Variants in TMEM268 observed in about 807,000 individuals in gnomAD.
TMEM268 encodes transmembrane protein 268, also known as transmembrane protein C9orf91.
A neutral mutation model predicts 39.1 loss-of-function variants in TMEM268; 24 were observed. That is an observed-to-expected ratio of 0.61 (90% CI 0.44 to 0.86). The LOEUF (loss-of-function observed/expected upper bound fraction) is 0.86, where lower values mean the gene tolerates loss of function less well. Among genes scored for constraint, TMEM268 ranks in the 40% least tolerant of loss-of-function variants. TMEM268 has a pLI of 0.00. For missense variants in TMEM268, 409 were observed against 428.6 expected (o/e 0.95, Z 0.40); for synonymous variants, 176 against 173.5 (o/e 1.01, Z -0.12).
the TMEM268 span, among the ~76,000 whole-genome samples, chr9:114,605,196 G>GT: frequency 1.3e-5 from 2 of 152,174 alleles, no homozygotes; most frequent in Non-Finnish European, 2.9e-5. Flanking sequence ...TTTTCCACCT[G>GT]TTTAATTATT....
intron 2 of TMEM268, among the ~76,000 whole-genome samples, chr9:114,617,557 A>G (rs1227373600): frequency 6.6e-6 from 1 of 151,686 alleles, no homozygotes; most frequent in Non-Finnish European, 1.5e-5. Flanking sequence ...TTTATTATTT[A>G]TTTATATTTC....
At chr9:114,633,304 G>A (rs1285078651) in intron 5 of TMEM268, among the ~76,000 whole-genome samples, 1 of 151,940 alleles carries the variant, frequency 6.6e-6, no homozygotes, top group Non-Finnish European at 1.5e-5. Context: ...TGGGACTACA[G>A]GTGTGTGTCA....
At chr9:114,631,282 C>CAAAAAAAAAAAAAAAAAAAAAAAAAA (rs3035421) in intron 5 of TMEM268, among the ~76,000 whole-genome samples, 1 of 130,182 alleles carries the variant, frequency 7.7e-6, no homozygotes. Context: ...CAGCCTGCCT[C>CAAAAAAAAAAAAAAAAAAAAAAAAAA]AAAAAAAAAA....
chr9:114,617,017 T>A, intron 1 of TMEM268, 101 bp from the exon 2 acceptor site: 1 of 496,442 alleles, frequency 2.0e-6, no homozygotes, highest in Non-Finnish European at 3.6e-6. Flanking sequence ...TCCGGGTAAC[T>A]CTCCCTGGCC....
Position 114,643,338 on chromosome 9 carries a change from C to T in TMEM268, c.*25C>T. The T allele has an allele frequency of 6.2e-7, 1 of 1,610,384 alleles. No homozygotes were observed. Among genetic ancestry groups the T allele is most frequent in the Non-Finnish European group, 8.5e-7 (1 of 1,176,872 alleles). On this transcript the variant is annotated 3_prime_UTR_variant, in exon 9 of 9. Transcript: ENST00000288502. ...ACCTAGGGATGAAGGTACTCATCTT[C>T]CTTCAAGACTGAGCAGTCAGGAAGG...
intron 3 of TMEM268, among the ~76,000 whole-genome samples, chr9:114,626,193 G>A (rs1480463217): frequency 6.6e-6 from 1 of 152,098 alleles, no homozygotes; most frequent in Non-Finnish European, 1.5e-5. Flanking sequence ...GAACTCCTAG[G>A]CTCAAGCAGT....
At chr9:114,621,513 T>C (rs1647552720) in intron 2 of TMEM268, among the ~76,000 whole-genome samples, 1 of 152,166 alleles carries the variant, frequency 6.6e-6, no homozygotes, top group African/African-American at 2.4e-5. Context: ...ATTCAAGTAA[T>C]TTCATGCATA....
intron 2 of TMEM268, chr9:114,622,407 C>T (rs2133624591): frequency 2.0e-6 from 2 of 985,386 alleles, no homozygotes; most frequent in South Asian, 9.4e-5. Flanking sequence ...CCCAGACCTC[C>T]TGGCTGCTGA....
chr9:114,618,315 C>T (rs767875565), intron 2 of TMEM268, among the ~76,000 whole-genome samples: 7 of 152,156 alleles, frequency 4.6e-5, no homozygotes, highest in Non-Finnish European at 1.0e-4. Flanking sequence ...ACCTGCATTC[C>T]CTTCTGCCTG....
In TMEM268 at chr9:114,624,451, G is replaced by C; in HGVS notation, c.208G>C (p.Gly70Arg). Residue 70 changes from glycine (G) to arginine (R), a missense_variant, in exon 3 of 9, where the codon GGC becomes CGC. Coordinates refer to ENST00000288502, the MANE Select transcript of TMEM268 (RefSeq NM_153045.4). ...CGCAGAAGAGCAACTGCAAACTTGG[G>C]GCATCCAGGTGAGTGCTGATTTCCT... The part of the protein sequence containing the change: ...GAAEEQLQTW[G>R]IQVPADQYRS... The C allele has an allele frequency of 1.3e-6, 2 of 1,574,406 alleles. No homozygotes were observed. The highest frequency in any genetic ancestry group is 2.3e-5 in the East Asian group (1 of 43,278).
intron 8 of TMEM268, among the ~76,000 whole-genome samples, chr9:114,641,376 G>A (rs1007545727): frequency 5.3e-5 from 8 of 152,110 alleles, no homozygotes; most frequent in Admixed American, 1.3e-4. Context: ...CATACCTAGC[G>A]TAACCCACAC....
intron 2 of TMEM268, chr9:114,622,313 G>A: frequency 1.0e-6 from 1 of 985,338 alleles, no homozygotes; most frequent in Non-Finnish European, 1.2e-6. Context: ...CCGCCATAGA[G>A]AATATGCCAA....
At chr9:114,622,625 A>G (rs543272803) in intron 2 of TMEM268, 37 of 360,696 alleles carry the variant, frequency 1.0e-4, no homozygotes, top group African/African-American at 7.3e-4. Context: ...GGGCTTTGGT[A>G]GCAGTTGTGA....
intron 2 of TMEM268, chr9:114,622,165 C>T: frequency 1.0e-6 from 1 of 985,338 alleles, no homozygotes; most frequent in Non-Finnish European, 1.2e-6. Flanking sequence ...CCAGGAATTT[C>T]CTGGAAAGTG....
chr9:114,626,751 A>G (rs1476832276), intron 3 of TMEM268, 148 bp from the exon 4 acceptor site: 2 of 566,368 alleles, frequency 3.5e-6, no homozygotes, highest in South Asian at 2.0e-5. Context: ...GAGCTGCACC[A>G]TGTGACTTCC....
chr9:114,634,577 C>A (rs1564298004), intron 6 of TMEM268, among the ~76,000 whole-genome samples: 2 of 152,158 alleles, frequency 1.3e-5, no homozygotes, highest in African/African-American at 4.8e-5. Context: ...GTTCCTCCAT[C>A]CATGCCTGAT....
chr9:114,623,526 G>C (rs1206365874), intron 2 of TMEM268, among the ~76,000 whole-genome samples: 1 of 152,222 alleles, frequency 6.6e-6, no homozygotes, highest in African/African-American at 2.4e-5. Flanking sequence ...TGGCAGGACT[G>C]TTTTTCTTTC....
chr9:114,636,489 TC>T (rs5900103), intron 6 of TMEM268, among the ~76,000 whole-genome samples: 1,446 of 138,104 alleles, frequency 0.01, 13 homozygotes, highest in South Asian at 0.071. Flanking sequence ...TTTAACTTTT[TC>T]TTTTCTTTTC....
At chr9:114,605,694 G>T in the TMEM268 span, among the ~76,000 whole-genome samples, 1 of 152,096 alleles carries the variant, frequency 6.6e-6, no homozygotes, top group Non-Finnish European at 1.5e-5. Flanking sequence ...GCCAAGATGG[G>T]TGGATCGCTT....
Sources: allele counts gnomAD v4.1 joint callset (sites outside exome capture counted in the v4.1 genomes callset), GRCh38; gene constraint gnomAD v4.1.1; transcripts MANE v1.5; gene names NCBI Gene and HGNC (gene_info 2026-07-23, HGNC 2026-07-21).